DNAH7: variants seen among roughly 807,000 people sequenced by gnomAD.
The protein encoded by DNAH7 is axonemal beta dynein heavy chain 7.
DNAH7 carries 397 observed loss-of-function variants against 444.6 expected under a neutral mutation model. The observed-to-expected ratio is 0.89, with a 90% confidence interval of 0.82 to 0.97. The LOEUF (loss-of-function observed/expected upper bound fraction) is 0.97. DNAH7 is among the 50% of genes least tolerant of loss of function. The pLI, the probability that DNAH7 is intolerant of heterozygous loss-of-function variation, is 0.00. For synonymous variants in DNAH7, 1,636 were observed against 1,624.4 expected, an observed-to-expected ratio of 1.01 and a Z score of -0.17; for missense variants, 4,902 against 4,800.8, an observed-to-expected ratio of 1.02 and a Z score of -0.62.
In DNAH7 at chr2:195,794,467, A is replaced by G; in HGVS notation, c.10587T>C (p.Pro3529=). The change falls in exon 57 of 65, where the codon CCT becomes CCC. Residue 3529 remains proline, a synonymous_variant. Transcript: ENST00000312428. ...WLTSYPSPNF[P]VSVLQNGVKM... ...TCACTCCATTCTGCAGTACTGACACAGGGAAATTTGGAGATGGGTAACTCG... is the reference window on the plus strand; with the variant it reads ...TCACTCCATTCTGCAGTACTGACACGGGGAAATTTGGAGATGGGTAACTCG... The G allele has an allele frequency of 6.2e-7, 1 of 1,614,188 alleles. No homozygotes were observed. The highest frequency in any genetic ancestry group is 8.5e-7 in the Non-Finnish European group (1 of 1,180,018).
chr2:195,850,202 C>T (rs1699269017), intron 46 of DNAH7, among the ~76,000 whole-genome samples: 1 of 150,792 alleles, frequency 6.6e-6, no homozygotes, highest in South Asian at 2.1e-4. Context: ...GGACTCCGAA[C>T]AAGCATCTCA....
intron 19 of DNAH7, among the ~76,000 whole-genome samples, chr2:195,956,217 G>C (rs1690642885): frequency 6.6e-6 from 1 of 152,104 alleles, no homozygotes; most frequent in African/African-American, 2.4e-5. Flanking sequence ...ACATTTTTAA[G>C]ATAATACTTA....
intron 35 of DNAH7, among the ~76,000 whole-genome samples, chr2:195,883,451 T>TCCCCCCCCC (rs778869268): frequency 5.8e-5 from 7 of 121,074 alleles, no homozygotes; most frequent in African/African-American, 1.9e-4. Context: ...CAGTCCCCGC[T>TCCCCCCCCC]CCCCCCCCCC....
intron 18 of DNAH7, among the ~76,000 whole-genome samples, chr2:195,957,972 C>T (rs1445294535): frequency 1.3e-5 from 2 of 152,092 alleles, no homozygotes; most frequent in African/African-American, 4.8e-5. Context: ...ACATCCAATA[C>T]TCTTTTCCTT....
intron 10 of DNAH7, among the ~76,000 whole-genome samples, chr2:196,005,215 G>A (rs531541158): frequency 4.0e-5 from 6 of 151,536 alleles, no homozygotes; most frequent in East Asian, 1.9e-4. Flanking sequence ...CAGAGCTTGC[G>A]GTGAGCCAAG....
At chr2:195,793,256 C>T (rs905785289) in intron 57 of DNAH7, among the ~76,000 whole-genome samples, 5 of 152,022 alleles carry the variant, frequency 3.3e-5, no homozygotes, top group East Asian at 1.9e-4. Context: ...TTTTTATACT[C>T]GCATTTTTTC....
chr2:195,943,410 G>A (rs1230869775), intron 19 of DNAH7, among the ~76,000 whole-genome samples: 1 of 152,130 alleles, frequency 6.6e-6, no homozygotes, highest in African/African-American at 2.4e-5. Flanking sequence ...CTGTGATAAT[G>A]AGTAAGTCAT....
chr2:195,778,700 A>G (rs1470500984), intron 58 of DNAH7, among the ~76,000 whole-genome samples: 1 of 78,214 alleles, frequency 1.3e-5, no homozygotes, highest in Non-Finnish European at 2.4e-5. Context: ...ACACATATAT[A>G]TATACACATA....
Position 196,051,195 on chromosome 2 carries a change from G to A in DNAH7, c.133C>T (p.Leu45=), listed in dbSNP as rs1023039215. Residue 45 remains leucine (L), a synonymous_variant, in exon 3 of 65, where the codon CTG becomes TTG. Transcript: ENST00000312428. ...ATATTTGGATAAGTTACCATAGACA[G>A]CTGTGGTAAAGCTCTTGCTGGTGCC... ...FKAPARALPQ[L]SMVSTKPHWQ... is the part of the protein sequence containing the mutation. 41 of 1,613,098 alleles carry A rather than the reference G, an allele frequency of 2.5e-5. No individual in the cohort carries two copies. The highest frequency in any genetic ancestry group is 1.5e-4 in the Admixed American group (9 of 59,994).
chr2:195,978,865 A>G (rs1287585591), intron 15 of DNAH7, among the ~76,000 whole-genome samples: 5 of 152,214 alleles, frequency 3.3e-5, no homozygotes, highest in Admixed American at 3.3e-4. Flanking sequence ...TGATTCAGCC[A>G]GAGGATATAA....
intron 3 of DNAH7, among the ~76,000 whole-genome samples, chr2:196,049,099 G>A (rs1460555481): frequency 6.6e-6 from 1 of 152,160 alleles, no homozygotes; most frequent in Non-Finnish European, 1.5e-5. Flanking sequence ...GGATTTTAAA[G>A]TAAAATCTAT....
chr2:195,927,632 C>T (rs991681873), intron 21 of DNAH7, among the ~76,000 whole-genome samples: 1 of 151,682 alleles, frequency 6.6e-6, no homozygotes, highest in African/African-American at 2.4e-5. Flanking sequence ...GAAAGACATT[C>T]AAATCTGGAT....
intron 64 of DNAH7, 120 bp downstream of exon 64, chr2:195,740,646 C>A (rs9679467): frequency 3.7e-4 from 21 of 56,112 alleles, no homozygotes; most frequent in Non-Finnish European, 6.6e-4. Flanking sequence ...TATATATATA[C>A]ATATACACAC....
At chr2:195,830,530 G>C (rs1292530040) in intron 48 of DNAH7, among the ~76,000 whole-genome samples, 1 of 152,148 alleles carries the variant, frequency 6.6e-6, no homozygotes, top group African/African-American at 2.4e-5. Flanking sequence ...CCTATCAGGT[G>C]CCCTTAAGCA....
At chr2:195,849,449 T>G (rs1019927985) in intron 46 of DNAH7, among the ~76,000 whole-genome samples, 1 of 152,156 alleles carries the variant, frequency 6.6e-6, no homozygotes, top group Non-Finnish European at 1.5e-5. Context: ...CTCCCTAGCA[T>G]AAGTACTTAA....
At chr2:195,752,543 G>A (rs998343826) in intron 63 of DNAH7, among the ~76,000 whole-genome samples, 1 of 152,160 alleles carries the variant, frequency 6.6e-6, no homozygotes, top group African/African-American at 2.4e-5. Flanking sequence ...AAGAGTTAAT[G>A]TTTAAAGATA....
chr2:195,890,287 G>A (rs540399093), intron 31 of DNAH7, among the ~76,000 whole-genome samples: 1 of 152,278 alleles, frequency 6.6e-6, no homozygotes, highest in South Asian at 2.1e-4. Context: ...CTCTCCTGCT[G>A]TGGGCTTCCC....
At position 195,853,361 on chromosome 2, in the gene DNAH7, G is replaced by A; in HGVS notation, c.8763C>T (p.Phe2921=). The change falls in exon 46 of 65, where the codon TTC becomes TTT. Residue 2921 remains phenylalanine, a synonymous_variant. Transcript: ENST00000312428. ...CCCTTACCTGTCTATAGGTGGATGT[G>A]AAGGCTCCGAGGTAAGCAACCACTC... The part of the protein sequence containing the change: ...SSGVVAYLGA[F]TSTYRQNQTK... The A allele has an allele frequency of 6.2e-7, 1 of 1,614,014 alleles. No individual in the cohort carries two copies. The highest frequency in any genetic ancestry group is 1.1e-5 in the South Asian group (1 of 91,056).
intron 64 of DNAH7, among the ~76,000 whole-genome samples, chr2:195,740,469 CAAAG>C (rs549250675): frequency 9.9e-5 from 15 of 151,616 alleles, no homozygotes; most frequent in South Asian, 4.2e-4. Flanking sequence ...ATGTTGTGAC[CAAAG>C]AAAGAACCCT....
Sources: allele counts gnomAD v4.1 joint callset (sites outside exome capture counted in the v4.1 genomes callset), GRCh38; gene constraint gnomAD v4.1.1; transcripts MANE v1.5; gene names NCBI Gene and HGNC (gene_info 2026-07-23, HGNC 2026-07-21).